SLC49A3: variants seen among roughly 807,000 people sequenced by gnomAD.
SLC49A3 encodes solute carrier family 49 member A3.
A neutral mutation model predicts 43.8 loss-of-function variants in SLC49A3; 50 were observed. That is an observed-to-expected ratio of 1.14 (90% CI 0.91 to 1.45). The LOEUF (loss-of-function observed/expected upper bound fraction) is 1.45, where lower values mean the gene tolerates loss of function less well. SLC49A3 is among the 40% of genes most tolerant of loss of function. SLC49A3 has a pLI of 0.00. For synonymous variants in SLC49A3, 413 were observed against 352.0 expected (o/e 1.17, Z -1.94); for missense variants, 906 against 774.1 (o/e 1.17, Z -2.02).
chr4:680,810 C>A, downstream of SLC49A3: 1 of 633,746 alleles, frequency 1.6e-6, no homozygotes, highest in Non-Finnish European at 2.7e-6. Flanking sequence ...GCGGCTTCCC[C>A]TCAGCCCACT....
intron 8 of SLC49A3, 127 bp from the exon 9 acceptor site, chr4:683,017 T>A: frequency 9.0e-7 from 1 of 1,105,856 alleles, no homozygotes; most frequent in Non-Finnish European, 1.3e-6. Context: ...GCACGCAGCC[T>A]CGGTCATGGG....
rs1011757294 is a variant in SLC49A3 at position 681,932 on chromosome 4, G to A, written c.*26C>T. On this transcript the variant is annotated 3_prime_UTR_variant, in exon 10 of 10. Transcript: ENST00000322224. ...CCAGTTCGCCTCCATCGATGTGGCG[G>A]GCAACCTGGACTACAAGGCGCTCAG... 4 of 1,328,004 alleles carry A rather than the reference G, an allele frequency of 3.0e-6. No individual in the cohort carries two copies. The highest frequency in any genetic ancestry group is 3.9e-6 in the Non-Finnish European group (4 of 1,027,920). 82.3% of individuals were successfully genotyped at this position (1,328,004 alleles called of 1,614,324 possible).
downstream of SLC49A3, chr4:680,995 G>C: frequency 7.4e-7 from 1 of 1,354,916 alleles, no homozygotes; most frequent in Non-Finnish European, 1.0e-6. Flanking sequence ...AGTGCAGTGA[G>C]CGAGTACAAC....
chr4:691,480 C>T (rs755507197), upstream of SLC49A3, among the ~76,000 whole-genome samples: 66 of 150,790 alleles, frequency 4.4e-4, no homozygotes, highest in Non-Finnish European at 8.7e-4. Flanking sequence ...GTAATCCCAG[C>T]TACTCAGGAG....
upstream of SLC49A3, among the ~76,000 whole-genome samples, chr4:691,007 C>T (rs1345865843): frequency 6.6e-6 from 1 of 152,210 alleles, no homozygotes; most frequent in Non-Finnish European, 1.5e-5. Flanking sequence ...AAACCATGGG[C>T]CGGGTGCGGT....
At position 682,156 on chromosome 4, in the gene SLC49A3, CCTCGCCGTGCACTCCGGA is replaced by C. The variant is rs775980453; in HGVS notation, c.1464_1481del (p.Pro489_Arg494del). The C allele has an allele frequency of 2.1e-5, 28 of 1,340,236 alleles. No individual in the cohort carries two copies. Among genetic ancestry groups the C allele is most frequent in the Non-Finnish European group, 2.6e-5 (27 of 1,034,250 alleles). The allele number at this position is 1,340,236 out of a possible 1,614,324, so 83.0% of individuals were successfully genotyped here. A position where few individuals can be genotyped will look rare whatever the true frequency, so the allele number is the denominator to read the frequency against. On this transcript the variant is annotated inframe_deletion, in exon 10 of 10. Transcript: ENST00000322224. ...CTCTGGGGTCCTCTAGCGAGGCCCCCCTCGCCGTGCACTCCGGAGTCGCCGTGCTGGGCCCCAGGACCC... is the reference window on the plus strand; with the variant it reads ...CTCTGGGGTCCTCTAGCGAGGCCCCCGTCGCCGTGCTGGGCCCCAGGACCC...
At position 684,558 on chromosome 4, in the gene SLC49A3, C is replaced by G; in HGVS notation, c.765G>C (p.Leu255Phe). ...TGGCAGAGATCCCGATCATTCCCCC[C>G]AAGCACACAGCCAGGATGACATAGG... is the stretch of plus-strand genomic sequence containing the variant. ...NKAYVILAVCLGGMIGISASF... is the reference protein window; with the variant it reads ...NKAYVILAVCFGGMIGISASF... Residue 255 changes from leucine to phenylalanine, a missense_variant, in exon 6 of 10, where the codon TTG becomes TTC. Transcript: ENST00000322224. The G allele has an allele frequency of 2.5e-6, 4 of 1,613,254 alleles. No homozygotes were observed. Among genetic ancestry groups the G allele is most frequent in the Non-Finnish European group, 3.4e-6 (4 of 1,179,966 alleles).
In SLC49A3 at chr4:682,573, C is replaced by T. The variant is rs966489662; in HGVS notation, c.1262-197G>A. Among the ~76,000 whole-genome samples, 6 of 152,192 alleles carry T rather than the reference C, an allele frequency of 3.9e-5. No homozygotes were observed. In the South Asian group the frequency reaches 6.2e-4, roughly 16 times the overall value. On this transcript the variant is annotated intron_variant, in intron 9 of 9. Coordinates refer to ENST00000322224, the MANE Select transcript of SLC49A3 (RefSeq NM_032219.4). ...CTGAGAGAGGTCACTAGCATGGGGT[C>T]TGGGATATGGGTGTGCCAGCCCCAT... is the stretch of plus-strand genomic sequence containing the variant.
downstream of SLC49A3, chr4:678,401 C>G: frequency 7.0e-7 from 1 of 1,419,068 alleles, no homozygotes; most frequent in Non-Finnish European, 9.2e-7. Flanking sequence ...GATCCCTGAC[C>G]ACTGTGCTCT....
downstream of SLC49A3, chr4:676,903 G>A: frequency 1.0e-6 from 1 of 985,374 alleles, no homozygotes; most frequent in Non-Finnish European, 1.2e-6. Flanking sequence ...CTTCATAGAG[G>A]CCGCTGGACC....
upstream of SLC49A3, among the ~76,000 whole-genome samples, chr4:690,554 G>T (rs193088173): frequency 9.8e-5 from 15 of 152,364 alleles, no homozygotes; most frequent in East Asian, 2.7e-3. Flanking sequence ...GGCAGAGGGG[G>T]AGTTGCAGTG....
chr4:681,957 G>A lies in SLC49A3; in HGVS notation c.*1C>T, dbSNP rs746147393. Reference sequence around the variant, plus strand: ...GGCAACCTGGACTACAAGGCGCTCAGCTACGTGATCACCCACGGGGAGGAG... The same window carrying A: ...GGCAACCTGGACTACAAGGCGCTCAACTACGTGATCACCCACGGGGAGGAG... On this transcript the variant is annotated 3_prime_UTR_variant, in exon 10 of 10. Coordinates refer to ENST00000322224, the MANE Select transcript of SLC49A3 (RefSeq NM_032219.4). The A allele has an allele frequency of 1.5e-6, 2 of 1,369,248 alleles. No individual in the cohort carries two copies. Among genetic ancestry groups the A allele is most frequent in the Admixed American group, 2.9e-5 (1 of 34,656 alleles). 84.8% of individuals were successfully genotyped at this position (1,369,248 alleles called of 1,614,324 possible).
chr4:683,353 C>T lies in SLC49A3; in HGVS notation c.1008G>A (p.Gln336=). Residue 336 remains glutamine, a synonymous_variant, in exon 8 of 10, where the codon CAG becomes CAA. Coordinates refer to ENST00000322224, the MANE Select transcript of SLC49A3 (RefSeq NM_032219.4). ...TGGCAGCCAGGGCAAGGGTCTGTCCCTGCAGCTGGGACACCTGGGAGCAGC... is the reference window on the plus strand; with the variant it reads ...TGGCAGCCAGGGCAAGGGTCTGTCCTTGCAGCTGGGACACCTGGGAGCAGC... ...CVPFALVSQL[Q]GQTLALAATC... is the part of the protein sequence containing the mutation. The T allele has an allele frequency of 6.2e-7, 1 of 1,610,712 alleles. No homozygotes were observed. Among genetic ancestry groups the T allele is most frequent in the Non-Finnish European group, 8.5e-7 (1 of 1,178,736 alleles).
chr4:683,223 T>C lies in SLC49A3; in HGVS notation c.1138A>G (p.Ile380Val). ...PVGEGAATGMIFVLGQAEGIL... is the reference protein window; with the variant it reads ...PVGEGAATGMVFVLGQAEGIL... ...ATGGACACTCACCCCAGCACAAAGA[T>C]CATGCCTGTGGCAGCCCCCTCCCCC... is the stretch of plus-strand genomic sequence containing the variant. Residue 380 changes from isoleucine to valine, a missense_variant, in exon 8 of 10, where the codon ATC becomes GTC. By Grantham distance (29) the Ile-to-Val change is conservative (BLOSUM62 3). Transcript: ENST00000322224. 2 of 1,612,392 alleles carry C rather than the reference T, an allele frequency of 1.2e-6. No individual in the cohort carries two copies. Among genetic ancestry groups the C allele is most frequent in the Non-Finnish European group, 1.7e-6 (2 of 1,179,818 alleles).
At position 684,818 on chromosome 4, in the gene SLC49A3, C is replaced by T; in HGVS notation, c.624G>A (p.Leu208=). 6 of 1,612,518 alleles carry T rather than the reference C, an allele frequency of 3.7e-6. No individual in the cohort carries two copies. Among genetic ancestry groups the T allele is most frequent in the Non-Finnish European group, 5.1e-6 (6 of 1,179,894 alleles). ...VYTIPAGVVC[L]LSTICLWESV... is the part of the protein sequence containing the mutation. ...TCTCCCACAGGCAGATGGTGGACAGCAGGCAGACGACGCCAGCAGGGATGG... is the reference window on the plus strand; with the variant it reads ...TCTCCCACAGGCAGATGGTGGACAGTAGGCAGACGACGCCAGCAGGGATGG... The change falls in exon 5 of 10, where the codon CTG becomes CTA. Residue 208 remains leucine (L), a synonymous_variant. Transcript: ENST00000322224.
downstream of SLC49A3, chr4:678,454 C>T (rs548966765): frequency 2.1e-6 from 3 of 1,429,770 alleles, no homozygotes; most frequent in Non-Finnish European, 2.7e-6. Flanking sequence ...AGTCCCTGTG[C>T]TGAAGCCAGA....
Position 682,226 on chromosome 4 carries a change from A to G in SLC49A3, c.1412T>C (p.Val471Ala). 4.3e-6 allele frequency: 6 copies of G among 1,380,004 alleles called. No homozygotes were observed. Among genetic ancestry groups the G allele is most frequent in the Non-Finnish European group, 5.7e-6 (6 of 1,056,040 alleles). 85.5% of individuals were successfully genotyped at this position (1,380,004 alleles called of 1,614,324 possible). Residue 471 changes from valine (V) to alanine (A), a missense_variant, in exon 10 of 10, where the codon GTG becomes GCG. Val to Ala is a moderately conservative substitution (Grantham distance 64). Transcript: ENST00000322224. ...AGCCCTTCCTGCTCCCCCTCGGTCC[A>G]CACCCGGCCCTGAGTCTGCGCCGCC... The part of the protein sequence containing the change: ...AVGGADSGPG[V>A]DRGGAGRAGV...
downstream of SLC49A3, chr4:677,976 G>A: frequency 6.2e-7 from 1 of 1,613,258 alleles, no homozygotes; most frequent in Non-Finnish European, 8.5e-7. Flanking sequence ...AGCTTAAGAT[G>A]GGCAAGACCT....
chr4:681,146 G>A, downstream of SLC49A3: 3 of 1,603,272 alleles, frequency 1.9e-6, no homozygotes, highest in Non-Finnish European at 2.6e-6. Flanking sequence ...AAGAGGTCTG[G>A]CCCGCGGCTT....
Sources: allele counts gnomAD v4.1 joint callset (sites outside exome capture counted in the v4.1 genomes callset), GRCh38; gene constraint gnomAD v4.1.1; transcripts MANE v1.5; gene names NCBI Gene and HGNC (gene_info 2026-07-23, HGNC 2026-07-21).